Variants in SYNPR observed in about 807,000 individuals in gnomAD.
SYNPR encodes the protein synaptoporin.
SYNPR carries 23 observed loss-of-function variants against 32.9 expected under a neutral mutation model. That is an observed-to-expected ratio of 0.70 (90% confidence interval 0.50 to 0.99). The LOEUF is 0.99. Ranked by LOEUF, SYNPR falls within the 50% of genes least tolerant of loss-of-function variation. The pLI is 0.00. For missense variants in SYNPR, 318 were observed against 349.3 expected (o/e 0.91, Z 0.71); for synonymous variants, 146 against 135.9 (o/e 1.07, Z -0.52).
chr3:63,350,646 G>A (rs1023926738), intron 2 of SYNPR, among the ~76,000 whole-genome samples: 6 of 152,202 alleles, frequency 3.9e-5, no homozygotes, highest in African/African-American at 1.4e-4. Context: ...CAGGGAACAG[G>A]CAAATAAAAT....
At chr3:63,551,871 ATTTATT>A (rs1702507498) in intron 3 of SYNPR, among the ~76,000 whole-genome samples, 9 of 28,576 alleles carry the variant, frequency 3.1e-4, no homozygotes, top group African/African-American at 1.3e-3. Flanking sequence ...GCATCTAGCT[ATTTATT>A]TATTTATTTA....
chr3:63,502,198 C>T (rs1403339374), intron 3 of SYNPR, among the ~76,000 whole-genome samples: 1 of 151,898 alleles, frequency 6.6e-6, no homozygotes. Flanking sequence ...CATTCTAGTT[C>T]TGTTGGGCAG....
chr3:63,347,525 G>A (rs2087453030), intron 2 of SYNPR, among the ~76,000 whole-genome samples: 1 of 152,030 alleles, frequency 6.6e-6, no homozygotes, highest in Admixed American at 6.6e-5. Flanking sequence ...GTACAGTTTT[G>A]TTACATGGAT....
intron 4 of SYNPR, among the ~76,000 whole-genome samples, chr3:63,602,932 G>A (rs1292156250): frequency 6.6e-6 from 1 of 152,076 alleles, no homozygotes; most frequent in African/African-American, 2.4e-5. Flanking sequence ...AATTGCTTTG[G>A]GCAGTATTGC....
intron 2 of SYNPR, among the ~76,000 whole-genome samples, chr3:63,398,978 G>A (rs1220008263): frequency 6.6e-6 from 1 of 152,146 alleles, no homozygotes; most frequent in Non-Finnish European, 1.5e-5. Flanking sequence ...GACAGTTACT[G>A]AAAAAGTATC....
At chr3:63,332,068 A>T (rs2087236736) in intron 2 of SYNPR, among the ~76,000 whole-genome samples, 1 of 152,232 alleles carries the variant, frequency 6.6e-6, no homozygotes, top group Non-Finnish European at 1.5e-5. Flanking sequence ...CTTTCAAAAC[A>T]TGCTGAGCAT....
the SYNPR span, among the ~76,000 whole-genome samples, chr3:63,207,986 A>T: frequency 1.3e-5 from 2 of 152,240 alleles, no homozygotes; most frequent in Middle Eastern, 6.8e-3. Flanking sequence ...TGGTTTTGAG[A>T]TGGTCAGAAA....
At chr3:63,539,315 T>A (rs1275121036) in intron 3 of SYNPR, among the ~76,000 whole-genome samples, 1 of 152,172 alleles carries the variant, frequency 6.6e-6, no homozygotes, top group African/African-American at 2.4e-5. Context: ...TGGTGCATTT[T>A]CACAAGTTTT....
chr3:63,553,143 G>A (rs57955525), intron 3 of SYNPR, among the ~76,000 whole-genome samples: 6 of 152,136 alleles, frequency 3.9e-5, no homozygotes, highest in African/African-American at 1.4e-4. Context: ...GTTTACGTCT[G>A]TGTGTGCTTC....
At chr3:63,594,491 C>T (rs1280484501) in intron 4 of SYNPR, among the ~76,000 whole-genome samples, 1 of 152,100 alleles carries the variant, frequency 6.6e-6, no homozygotes, top group Non-Finnish European at 1.5e-5. Flanking sequence ...CAATCATGGC[C>T]TTCTAAAAGC....
chr3:63,591,066 G>T (rs1348522184), intron 4 of SYNPR, among the ~76,000 whole-genome samples: 1 of 149,074 alleles, frequency 6.7e-6, no homozygotes, highest in Non-Finnish European at 1.5e-5. Context: ...ATCTGACAAA[G>T]GGCTAATATC....
At chr3:63,489,603 A>G (rs1701219292) in intron 3 of SYNPR, among the ~76,000 whole-genome samples, 1 of 152,210 alleles carries the variant, frequency 6.6e-6, no homozygotes, top group Non-Finnish European at 1.5e-5. Context: ...TGAATTATAT[A>G]GGCACTTGGT....
At chr3:63,342,618 G>A (rs145010986) in intron 2 of SYNPR, among the ~76,000 whole-genome samples, 34 of 152,250 alleles carry the variant, frequency 2.2e-4, no homozygotes, top group African/African-American at 3.1e-4. Context: ...TCAGGGTAAC[G>A]CTGGCCTCAT....
At chr3:63,296,244 G>T (rs1208089457) in intron 2 of SYNPR, among the ~76,000 whole-genome samples, 3 of 152,032 alleles carry the variant, frequency 2.0e-5, no homozygotes, top group African/African-American at 2.4e-5. Context: ...AAAGAAACAA[G>T]GATTTTAGTG....
chr3:63,489,972 G>T (rs1392979962), intron 3 of SYNPR, among the ~76,000 whole-genome samples: 1 of 152,152 alleles, frequency 6.6e-6, no homozygotes, highest in African/African-American at 2.4e-5. Flanking sequence ...ACACCAAAGA[G>T]GCAGGGATGC....
At chr3:63,519,394 T>G (rs1701863907) in intron 3 of SYNPR, among the ~76,000 whole-genome samples, 1 of 152,224 alleles carries the variant, frequency 6.6e-6, no homozygotes, top group Admixed American at 6.5e-5. Context: ...TTAAAAGGAT[T>G]AATAGAGATA....
At chr3:63,219,490 T>C in the SYNPR span, among the ~76,000 whole-genome samples, 119,701 of 152,068 alleles carry the variant, frequency 0.79, 47,644 homozygotes, top group Middle Eastern at 0.87. Context: ...GTTGACCTTT[T>C]AACAAAATGG....
chr3:63,556,787 T>G, intron 4 of SYNPR, 46 bp downstream of exon 4: 4 of 1,533,282 alleles, frequency 2.6e-6, no homozygotes, highest in Non-Finnish European at 3.5e-6. Context: ...TCCTTCTAAT[T>G]TCTTTTACTA....
At chr3:63,413,014 A>C (rs181093112) in intron 2 of SYNPR, among the ~76,000 whole-genome samples, 5 of 152,292 alleles carry the variant, frequency 3.3e-5, no homozygotes, top group Admixed American at 1.3e-4. Context: ...CAGGGTTCCA[A>C]GTGTTCACGT....
Sources: gnomAD v4.1 joint callset for allele counts (sites outside exome capture counted in the v4.1 genomes callset) on GRCh38, gnomAD v4.1.1 for gene constraint, MANE v1.5 for transcripts, NCBI Gene and HGNC (gene_info 2026-07-23, HGNC 2026-07-21) for gene names.